PRELID2: variants seen among roughly 807,000 people sequenced by gnomAD.
The protein encoded by PRELID2 is PRELI domain-containing protein 2.
In PRELID2, 25 loss-of-function variants were observed where a neutral mutation model predicts 28.4. The observed-to-expected ratio is 0.88, with a 90% CI of 0.64 to 1.23. The LOEUF is 1.23. Ranked by LOEUF, PRELID2 falls within the 50% of genes most tolerant of loss-of-function variation. The pLI, the probability that PRELID2 is intolerant of heterozygous loss-of-function variation, is 0.00. For missense variants in PRELID2, 201 were observed against 214.4 expected, an observed-to-expected ratio of 0.94 and a Z score of 0.39; for synonymous variants, 76 against 71.6, an observed-to-expected ratio of 1.06 and a Z score of -0.31.
At chr5:145,300,199 G>T in the PRELID2 span, among the ~76,000 whole-genome samples, 402 of 152,074 alleles carry the variant, frequency 2.6e-3, 2 homozygotes, top group African/African-American at 9.4e-3. Context: ...AAATAAACTG[G>T]TGATGCTTGA....
At chr5:145,595,136 A>G (rs2149633659) in intron 1 of PRELID2, among the ~76,000 whole-genome samples, 1 of 138,692 alleles carries the variant, frequency 7.2e-6, no homozygotes, top group Middle Eastern at 3.4e-3. Context: ...GAAAAAAAAG[A>G]AGAAGAAGAA....
intron 1 of PRELID2, among the ~76,000 whole-genome samples, chr5:145,618,226 A>G (rs1296936893): frequency 6.6e-6 from 1 of 152,020 alleles, no homozygotes; most frequent in East Asian, 1.9e-4. Flanking sequence ...CTGGTGAACT[A>G]GTGTGATTTT....
At chr5:145,742,902 G>A (rs1278553666) in intron 1 of PRELID2, among the ~76,000 whole-genome samples, 2 of 151,894 alleles carry the variant, frequency 1.3e-5, no homozygotes, top group Non-Finnish European at 2.9e-5. Context: ...AATAAAATGG[G>A]TTATCACTAA....
chr5:145,763,885 G>C (rs1211549607), intron 6 of PRELID2, among the ~76,000 whole-genome samples: 1 of 152,134 alleles, frequency 6.6e-6, no homozygotes, highest in East Asian at 1.9e-4. Context: ...AGACCAGCCT[G>C]GCCAGCATGG....
At chr5:145,528,405 C>A (rs573861136) in intron 1 of PRELID2, among the ~76,000 whole-genome samples, 1 of 151,978 alleles carries the variant, frequency 6.6e-6, no homozygotes, top group African/African-American at 2.4e-5. Flanking sequence ...TCTATAATGA[C>A]GGAAGCTGGC....
chr5:145,722,661 A>G (rs2149718637), intron 1 of PRELID2, among the ~76,000 whole-genome samples: 2 of 152,128 alleles, frequency 1.3e-5, no homozygotes, highest in South Asian at 4.2e-4. Flanking sequence ...TACAATGCCC[A>G]GCTAATTTTT....
At chr5:145,367,388 T>G in the PRELID2 span, among the ~76,000 whole-genome samples, 2 of 151,934 alleles carry the variant, frequency 1.3e-5, no homozygotes, top group Non-Finnish European at 2.9e-5. Flanking sequence ...ATGTACAGTC[T>G]CTTCTATTTT....
At chr5:145,626,395 T>C (rs1370073787) in intron 1 of PRELID2, among the ~76,000 whole-genome samples, 1 of 152,024 alleles carries the variant, frequency 6.6e-6, no homozygotes, top group African/African-American at 2.4e-5. Context: ...AAAGAAAGCA[T>C]ACCAGCAGCC....
chr5:145,498,943 A>G (rs1326525839), intron 1 of PRELID2, among the ~76,000 whole-genome samples: 1 of 152,176 alleles, frequency 6.6e-6, no homozygotes, highest in Non-Finnish European at 1.5e-5. Flanking sequence ...GAAAACATGA[A>G]ATAATATTCA....
At chr5:145,665,222 G>C (rs1229997729) in intron 1 of PRELID2, among the ~76,000 whole-genome samples, 1 of 152,088 alleles carries the variant, frequency 6.6e-6, no homozygotes, top group African/African-American at 2.4e-5. Flanking sequence ...GAGAGTTTCA[G>C]TCCCATTATG....
chr5:145,635,084 A>G (rs1753982322), intron 1 of PRELID2, among the ~76,000 whole-genome samples: 1 of 152,090 alleles, frequency 6.6e-6, no homozygotes, highest in South Asian at 2.1e-4. Context: ...TTCCTCTTTA[A>G]AGACTTAGTT....
chr5:145,468,252 C>A (rs1246863258), downstream of PRELID2, among the ~76,000 whole-genome samples: 4 of 152,182 alleles, frequency 2.6e-5, no homozygotes, highest in East Asian at 7.7e-4. Flanking sequence ...GAACTCATCA[C>A]TTTTTATGGC....
At chr5:145,714,962 T>G (rs1334209188) in intron 1 of PRELID2, among the ~76,000 whole-genome samples, 1 of 152,170 alleles carries the variant, frequency 6.6e-6, no homozygotes, top group Non-Finnish European at 1.5e-5. Context: ...TCTAGGAGTA[T>G]GTCGATAACT....
intron 1 of PRELID2, among the ~76,000 whole-genome samples, chr5:145,709,718 C>T (rs748011802): frequency 6.6e-6 from 1 of 152,096 alleles, no homozygotes; most frequent in Non-Finnish European, 1.5e-5. Context: ...GATTTTCATA[C>T]TTCTTATTCT....
the PRELID2 span, among the ~76,000 whole-genome samples, chr5:145,346,258 C>A: frequency 2.7e-4 from 41 of 151,906 alleles, no homozygotes; most frequent in African/African-American, 9.9e-4. Flanking sequence ...CTCAGGATTC[C>A]AAAAAAGACT....
chr5:145,286,745 G>A, the PRELID2 span, among the ~76,000 whole-genome samples: 2 of 134,494 alleles, frequency 1.5e-5, no homozygotes, highest in South Asian at 2.3e-4. Context: ...TTTTTGAGAC[G>A]AAGTCTCACT....
chr5:145,403,513 TC>T, the PRELID2 span, among the ~76,000 whole-genome samples: 1 of 152,174 alleles, frequency 6.6e-6, no homozygotes, highest in African/African-American at 2.4e-5. Flanking sequence ...GCTGGCCCTA[TC>T]CCTTCTAAGC....
chr5:145,725,556 T>C (rs1756122795), intron 1 of PRELID2, among the ~76,000 whole-genome samples: 2 of 152,310 alleles, frequency 1.3e-5, no homozygotes, highest in East Asian at 3.9e-4. Flanking sequence ...AGAGGCTGAA[T>C]TCAACTCCAC....
chr5:145,761,214 C>G (rs1187672742), intron 6 of PRELID2, among the ~76,000 whole-genome samples: 1 of 152,150 alleles, frequency 6.6e-6, no homozygotes, highest in African/African-American at 2.4e-5. Context: ...TTAAAAATTG[C>G]AAAATTCCAA....
Sources: allele counts gnomAD v4.1 joint callset (sites outside exome capture counted in the v4.1 genomes callset), GRCh38; gene constraint gnomAD v4.1.1; transcripts MANE v1.5; gene names NCBI Gene and HGNC (gene_info 2026-07-23, HGNC 2026-07-21).